The following DAG1 variants were observed in gnomAD, a reference collection of about 807,000 sequenced individuals.
DAG1 encodes the protein dystroglycan 1 (dystrophin-associated glycoprotein 1).
A neutral mutation model predicts 46.1 loss-of-function variants in DAG1; 8 were observed. That is an observed-to-expected ratio of 0.17 (90% CI 0.10 to 0.31). The LOEUF is 0.31. Among genes scored for constraint, DAG1 ranks in the 10% least tolerant of loss-of-function variants. The pLI is 1.00. For synonymous variants in DAG1, 495 were observed against 481.8 expected (o/e 1.03, Z -0.36); for missense variants, 1,003 against 1,189.9 (o/e 0.84, Z 2.31).
At chr3:49,485,071 C>T (rs1403556863) in intron 1 of DAG1, among the ~76,000 whole-genome samples, 8 of 151,090 alleles carry the variant, frequency 5.3e-5, no homozygotes, top group Non-Finnish European at 1.2e-4. Context: ...ACTGCAAGCT[C>T]CGCCTCCCGG....
chr3:49,514,140 T>C (rs1433415367), intron 2 of DAG1, among the ~76,000 whole-genome samples: 1 of 152,214 alleles, frequency 6.6e-6, no homozygotes, highest in Non-Finnish European at 1.5e-5. Flanking sequence ...TGAAGATGTG[T>C]GACTCTTCGT....
Position 49,533,606 on chromosome 3 carries a change from C to T in DAG1, c.*407C>T, listed in dbSNP as rs897801601. On this transcript the variant is annotated 3_prime_UTR_variant, in exon 3 of 3. Transcript: ENST00000308775. ...CTAACTGTACTGTTTTTTCTATTCA[C>T]GTGTGTCTAGCTGCAGGATGTAACA... 5.2e-5 allele frequency: 19 copies of T among 365,934 alleles called. No homozygotes were observed. The highest frequency in any genetic ancestry group is 2.7e-4 in the Admixed American group (7 of 25,498). 22.7% of individuals were successfully genotyped at this position (365,934 alleles called of 1,614,324 possible).
intron 1 of DAG1, among the ~76,000 whole-genome samples, chr3:49,500,253 T>C (rs1258312478): frequency 6.6e-6 from 1 of 152,134 alleles, no homozygotes; most frequent in Non-Finnish European, 1.5e-5. Context: ...CCTCGTGATC[T>C]GCCCGCCTCA....
intron 2 of DAG1, among the ~76,000 whole-genome samples, chr3:49,528,275 A>ATTTTTCTTTTTTTTTTT (rs2051239686): frequency 1.5e-5 from 1 of 66,660 alleles, no homozygotes; most frequent in African/African-American, 6.9e-5. Flanking sequence ...AAATAGTGTG[A>ATTTTTCTTTTTTTTTTT]TTTTTTTTTT....
At chr3:49,472,298 C>T (rs1184396747) in intron 1 of DAG1, among the ~76,000 whole-genome samples, 1 of 152,016 alleles carries the variant, frequency 6.6e-6, no homozygotes, top group Non-Finnish European at 1.5e-5. Context: ...GAGGGGATGT[C>T]CTGCCATGAT....
In DAG1 at chr3:49,477,555, A is replaced by G. The variant is rs147991301; in HGVS notation, c.-117+7122A>G. On this transcript the variant is annotated intron_variant, in intron 1 of 2. Coordinates refer to ENST00000308775, the MANE Select transcript of DAG1 (RefSeq NM_004393.6). ...CGATCCTCCCGCCTCAGCCTCTCAAAGTGCTGTGATTAATAGACATGAGCC... is the reference window on the plus strand; with the variant it reads ...CGATCCTCCCGCCTCAGCCTCTCAAGGTGCTGTGATTAATAGACATGAGCC... Among the ~76,000 whole-genome samples, 1,426 of 152,318 alleles carry G rather than the reference A, an allele frequency of 9.4e-3. 28 individuals are homozygous for G. The highest frequency in any genetic ancestry group is 0.031 in the African/African-American group (1,286 of 41,566).
At chr3:49,502,430 C>T (rs1269249548) in intron 1 of DAG1, among the ~76,000 whole-genome samples, 2 of 152,090 alleles carry the variant, frequency 1.3e-5, no homozygotes, top group South Asian at 2.1e-4. Flanking sequence ...GCAAAAGTGA[C>T]CCAGCCATCT....
At chr3:49,478,443 A>AT (rs2049754809) in intron 1 of DAG1, among the ~76,000 whole-genome samples, 1 of 150,012 alleles carries the variant, frequency 6.7e-6, no homozygotes, top group African/African-American at 2.4e-5. Flanking sequence ...AAAAATAAAA[A>AT]AAAAAAAAAA....
intron 1 of DAG1, among the ~76,000 whole-genome samples, chr3:49,496,511 C>T (rs2050314436): frequency 6.6e-6 from 1 of 151,804 alleles, no homozygotes; most frequent in Non-Finnish European, 1.5e-5. Flanking sequence ...GCGTGTGCCA[C>T]TGCGCCTGGC....
In DAG1 at chr3:49,531,038, A is replaced by G; in HGVS notation, c.527A>G (p.Glu176Gly). 1 of 1,614,186 alleles carries G rather than the reference A, an allele frequency of 6.2e-7. No homozygotes were observed. The highest frequency in any genetic ancestry group is 8.5e-7 in the Non-Finnish European group (1 of 1,180,028). ...SVRTASPDPG[E>G]VVSSACAADE... ...AGGACAGCCTCCCCAGACCCTGGTG[A>G]GGTGGTATCATCTGCCTGTGCTGCG... Residue 176 changes from glutamate to glycine, a missense_variant, in exon 3 of 3, where the codon GAG (glutamate) becomes GGG (glycine). Coordinates refer to ENST00000308775, the MANE Select transcript of DAG1 (RefSeq NM_004393.6). The surrounding 1 kb of genome is among the most constrained non-coding windows in gnomAD (Gnocchi z 7.0).
intron 1 of DAG1, among the ~76,000 whole-genome samples, chr3:49,493,644 C>G (rs1399235299): frequency 6.6e-6 from 1 of 152,208 alleles, no homozygotes; most frequent in East Asian, 1.9e-4. Context: ...AGAGCCTGAA[C>G]TGGACATATC....
At chr3:49,500,011 G>C (rs1295673323) in intron 1 of DAG1, among the ~76,000 whole-genome samples, 2 of 140,268 alleles carry the variant, frequency 1.4e-5, no homozygotes, top group African/African-American at 5.4e-5. Flanking sequence ...ATCTTGCTCT[G>C]TCGCCCAGTC....
intron 1 of DAG1, among the ~76,000 whole-genome samples, chr3:49,478,527 GT>G (rs35150889): frequency 5.9e-5 from 5 of 85,084 alleles, no homozygotes; most frequent in African/African-American, 1.3e-4. Flanking sequence ...GAGCCCAAGA[GT>G]TTTTTTTTTT....
chr3:49,512,389 T>TTTAA (rs913914393), intron 2 of DAG1, among the ~76,000 whole-genome samples: 1 of 151,648 alleles, frequency 6.6e-6, no homozygotes, highest in African/African-American at 2.4e-5. Context: ...TTTAATTTAT[T>TTTAA]TTAATTAATT....
At chr3:49,474,912 T>C (rs2140269) in intron 1 of DAG1, among the ~76,000 whole-genome samples, 148,000 of 151,638 alleles carry the variant, frequency 0.98, 72,339 homozygotes, top group Middle Eastern at 1. Flanking sequence ...CCCAGGTTCA[T>C]GCCATTCTCC....
At chr3:49,509,139 C>T (rs2050693029) in intron 1 of DAG1, among the ~76,000 whole-genome samples, 1 of 152,080 alleles carries the variant, frequency 6.6e-6, no homozygotes, top group Admixed American at 6.6e-5. Context: ...AATCCAGAAT[C>T]CAGTCAAGAG....
chr3:49,478,694 A>T (rs904497630), intron 1 of DAG1, among the ~76,000 whole-genome samples: 2 of 151,282 alleles, frequency 1.3e-5, no homozygotes, highest in South Asian at 2.1e-4. Flanking sequence ...TTGAGGCTGC[A>T]GTGAGCTTTC....
intron 1 of DAG1, among the ~76,000 whole-genome samples, chr3:49,498,839 G>C (rs1240554712): frequency 6.6e-6 from 1 of 151,950 alleles, no homozygotes; most frequent in Non-Finnish European, 1.5e-5. Flanking sequence ...CTCCCAAGTA[G>C]CTGTGATTAC....
At chr3:49,498,138 C>T (rs879867378) in intron 1 of DAG1, among the ~76,000 whole-genome samples, 2 of 152,130 alleles carry the variant, frequency 1.3e-5, no homozygotes, top group Admixed American at 6.6e-5. Context: ...GTATATGTGA[C>T]CCTGGCTCCC....
Sources: allele counts gnomAD v4.1 joint callset (sites outside exome capture counted in the v4.1 genomes callset), GRCh38; gene constraint gnomAD v4.1.1; non-coding constraint Gnocchi (gnomAD v3.1); transcripts MANE v1.5; gene names NCBI Gene and HGNC (gene_info 2026-07-23, HGNC 2026-07-21).